OSBPL10: variants seen among roughly 807,000 people sequenced by gnomAD.
OSBPL10 encodes the protein oxysterol binding protein like 10, also known as oxysterol-binding protein-related protein 10.
A neutral mutation model predicts 81.7 loss-of-function variants in OSBPL10; 49 were observed. That is an observed-to-expected ratio of 0.60 (90% CI 0.48 to 0.76). The LOEUF (loss-of-function observed/expected upper bound fraction) is 0.76. Among genes scored for constraint, OSBPL10 ranks in the 30% least tolerant of loss-of-function variants. The pLI is 0.00. For missense variants in OSBPL10, 923 were observed against 987.8 expected (o/e 0.93, Z 0.88); for synonymous variants, 419 against 383.6 (o/e 1.09, Z -1.08).
At chr3:31,987,795 GC>G (rs1425404958) in intron 2 of OSBPL10, among the ~76,000 whole-genome samples, 2 of 152,176 alleles carry the variant, frequency 1.3e-5, no homozygotes, top group Admixed American at 1.3e-4. Flanking sequence ...ACATTTATAA[GC>G]AAAAAATTGA....
chr3:31,818,533 A>G (rs1390320592), intron 4 of OSBPL10, among the ~76,000 whole-genome samples: 2 of 152,176 alleles, frequency 1.3e-5, no homozygotes, highest in African/African-American at 4.8e-5. Flanking sequence ...GCACCATAGC[A>G]GTTCTCATGG....
chr3:31,796,182 G>T, intron 4 of OSBPL10: 1 of 198,532 alleles, frequency 5.0e-6, no homozygotes, highest in East Asian at 1.3e-4. Context: ...ATGAGTGCAA[G>T]GAATGTGGGA....
intron 3 of OSBPL10, among the ~76,000 whole-genome samples, chr3:31,835,753 T>C (rs1247241111): frequency 6.6e-6 from 1 of 152,166 alleles, no homozygotes; most frequent in Non-Finnish European, 1.5e-5. Context: ...CTTCTCTTCC[T>C]CTAAAAAAAT....
At chr3:31,908,773 T>A (rs1250607671) in intron 1 of OSBPL10, among the ~76,000 whole-genome samples, 1 of 152,214 alleles carries the variant, frequency 6.6e-6, no homozygotes, top group Non-Finnish European at 1.5e-5. Flanking sequence ...ATTTTTTAAG[T>A]ACCTGGAGAT....
intron 2 of OSBPL10, among the ~76,000 whole-genome samples, chr3:32,027,620 T>C (rs183794955): frequency 2.0e-5 from 3 of 152,206 alleles, no homozygotes; most frequent in Admixed American, 6.5e-5. Flanking sequence ...TAAAATTGAA[T>C]GTGTTCAGAT....
chr3:31,738,601 T>C (rs1297866316), intron 5 of OSBPL10, among the ~76,000 whole-genome samples: 1 of 152,204 alleles, frequency 6.6e-6, no homozygotes. Context: ...TGGTACATGC[T>C]ATCTGTGCAT....
At position 31,812,759 on chromosome 3, in the gene OSBPL10, AAAG is replaced by A. The variant is rs1408669178; in HGVS notation, c.729+17278_729+17280del. Among the ~76,000 whole-genome samples, 27 of 44,174 alleles carry A rather than the reference AAAG, an allele frequency of 6.1e-4. 5 individuals are homozygous for A. The highest frequency in any genetic ancestry group is 3.3e-3 in the East Asian group (3 of 912). 29.0% of individuals were successfully genotyped at this position (44,174 alleles called of 152,430 possible). Reference sequence around the variant, plus strand: ...GAAAGAAAGAAAGAAAGAAAGAAAGAAAGAAAGAAAGAAAGAAAGAAAGAAAGA... The same window carrying A: ...GAAAGAAAGAAAGAAAGAAAGAAAGAAAAGAAAGAAAGAAAGAAAGAAAGA... On this transcript the variant is annotated intron_variant, in intron 4 of 11. Coordinates refer to ENST00000396556, the MANE Select transcript of OSBPL10 (RefSeq NM_017784.5).
At chr3:31,923,425 A>T (rs1696977528) in intron 1 of OSBPL10, among the ~76,000 whole-genome samples, 1 of 152,190 alleles carries the variant, frequency 6.6e-6, no homozygotes, top group Admixed American at 6.5e-5. Context: ...GATCGTAACG[A>T]GGAAATAAAT....
intron 4 of OSBPL10, among the ~76,000 whole-genome samples, chr3:31,783,260 A>G (rs1046939811): frequency 6.6e-6 from 1 of 151,758 alleles, no homozygotes; most frequent in African/African-American, 2.4e-5. Flanking sequence ...TCAGGAATGG[A>G]AAACCAAACA....
At chr3:31,669,403 T>C (rs1421002323) in intron 9 of OSBPL10, among the ~76,000 whole-genome samples, 2 of 152,184 alleles carry the variant, frequency 1.3e-5, no homozygotes, top group Admixed American at 6.5e-5. Context: ...GGTGAGCTTT[T>C]CAATCCTTAA....
chr3:31,987,391 A>G lies in OSBPL10; in HGVS notation n.298+59100T>C, dbSNP rs548848619. 5.7e-4 allele frequency among the ~76,000 whole-genome samples: 87 copies of G among 152,328 alleles called. 1 individual carries two copies. Among genetic ancestry groups the G allele is most frequent in the African/African-American group, 1.9e-3 (77 of 41,572 alleles). On this transcript the variant is annotated intron_variant and non_coding_transcript_variant, in intron 2 of 3. Transcript: ENST00000479173. ...AACACTCATATTTCAAGCTTTTGCT[A>G]TTGTGAGAAATGTTCTTTAAATAAC...
chr3:31,981,354 G>A (rs1197924995), upstream of OSBPL10: 3 of 1,135,156 alleles, frequency 2.6e-6, no homozygotes, highest in Non-Finnish European at 3.3e-6. This position sits in a 1 kb window ranked among gnomAD's most constrained non-coding sequence, Gnocchi z 4.5. Flanking sequence ...AGCTGGGAAG[G>A]AAGCCAACGG....
intron 2 of OSBPL10, among the ~76,000 whole-genome samples, chr3:32,027,533 G>T (rs1699428074): frequency 6.6e-6 from 1 of 152,204 alleles, no homozygotes; most frequent in Admixed American, 6.5e-5. Context: ...AATTCTTGAT[G>T]TTGGAAATAA....
rs1002955386 is a variant in OSBPL10, at chr3:31,779,322, C to T, written c.730-31202G>A. On this transcript the variant is annotated intron_variant, in intron 4 of 11. Transcript: ENST00000396556. ...CCAAGTATCTGCTGTCTTAAAGAGA[C>T]TCACCTAATGCATAAGGGCTGACAT... is the stretch of plus-strand genomic sequence containing the variant. Among the ~76,000 whole-genome samples, 15 of 152,108 alleles carry T rather than the reference C, an allele frequency of 9.9e-5. 1 individual carries two copies.
At chr3:31,858,145 A>AGCAC (rs1474369387) in intron 3 of OSBPL10, among the ~76,000 whole-genome samples, 2 of 151,456 alleles carry the variant, frequency 1.3e-5, no homozygotes, top group Non-Finnish European at 2.9e-5. Flanking sequence ...GAACTACAGG[A>AGCAC]GCACGCCACC....
intron 4 of OSBPL10, among the ~76,000 whole-genome samples, chr3:31,783,823 AATATATATATATATATATATATATAT>A (rs60886858): frequency 8.4e-4 from 14 of 16,730 alleles, no homozygotes; most frequent in African/African-American, 2.2e-3. Context: ...AAAAAAAAAA[AATATATATATATATATATATATATAT>A]ATATATATAT....
At chr3:31,722,397 G>C (rs1362439154) in intron 6 of OSBPL10, among the ~76,000 whole-genome samples, 2 of 152,048 alleles carry the variant, frequency 1.3e-5, no homozygotes, top group Non-Finnish European at 2.9e-5. Context: ...TCATCTGCTT[G>C]AGAACCACTG....
chr3:31,854,583 C>T (rs538523308), intron 3 of OSBPL10, among the ~76,000 whole-genome samples: 96 of 152,202 alleles, frequency 6.3e-4, no homozygotes, highest in African/African-American at 2.3e-3. Flanking sequence ...ATATAACACA[C>T]ATACAATATA....
At chr3:31,831,470 T>A in intron 3 of OSBPL10, among the ~76,000 whole-genome samples, 1 of 147,802 alleles carries the variant, frequency 6.8e-6, no homozygotes, top group African/African-American at 2.5e-5. Flanking sequence ...AAACTGGAAA[T>A]TTCTGCAAAG....
Sources: allele counts gnomAD v4.1 joint callset (sites outside exome capture counted in the v4.1 genomes callset), GRCh38; gene constraint gnomAD v4.1.1; non-coding constraint Gnocchi (gnomAD v3.1); transcripts MANE v1.5; gene names NCBI Gene and HGNC (gene_info 2026-07-23, HGNC 2026-07-21).